The following NME7 variants were observed in gnomAD, a reference collection of about 807,000 sequenced individuals.
NME7 encodes the protein NME/NM23 family member 7, also known as nucleoside diphosphate kinase 7.
In NME7, 41 loss-of-function variants were observed where a neutral mutation model predicts 49.1. The observed-to-expected ratio is 0.83, with a 90% CI of 0.65 to 1.08. The LOEUF is 1.08. NME7 is among the 50% of genes least tolerant of loss of function. NME7 has a pLI of 0.00. For missense variants in NME7, 423 were observed against 463.4 expected (o/e 0.91, Z 0.80); for synonymous variants, 139 against 150.6 (o/e 0.92, Z 0.56).
At chr1:169,192,580 C>T (rs561930740) in intron 10 of NME7, among the ~76,000 whole-genome samples, 8 of 152,062 alleles carry the variant, frequency 5.3e-5, no homozygotes, top group South Asian at 2.1e-4. Flanking sequence ...CCTCAAATAC[C>T]GAGGAGTACT....
At chr1:169,317,252 C>T (rs1571383658) in intron 3 of NME7, among the ~76,000 whole-genome samples, 1 of 152,160 alleles carries the variant, frequency 6.6e-6, no homozygotes, top group African/African-American at 2.4e-5. Context: ...GGAAAGATGG[C>T]TCAAGCTGGA....
intron 3 of NME7, among the ~76,000 whole-genome samples, chr1:169,311,311 A>C (rs1651375936): frequency 6.6e-6 from 1 of 151,298 alleles, no homozygotes; most frequent in African/African-American, 2.4e-5. Context: ...CCCAGCTACT[A>C]AGGAGGTTGA....
chr1:169,163,227 C>T (rs576176307), intron 11 of NME7, among the ~76,000 whole-genome samples: 2 of 151,710 alleles, frequency 1.3e-5, no homozygotes, highest in East Asian at 3.9e-4. Context: ...AGAGGGGAGG[C>T]GTACACGAGG....
intron 10 of NME7, among the ~76,000 whole-genome samples, chr1:169,179,792 C>T (rs1050462306): frequency 6.6e-6 from 1 of 151,988 alleles, no homozygotes; most frequent in South Asian, 2.1e-4. Context: ...AGGAGGGGAG[C>T]AACACACACT....
intron 1 of NME7, among the ~76,000 whole-genome samples, chr1:169,339,560 T>C (rs188279808): frequency 6.6e-6 from 1 of 152,334 alleles, no homozygotes; most frequent in Admixed American, 6.5e-5. Flanking sequence ...CTTGAGTTTT[T>C]CCAAAAAAGC....
At chr1:169,314,870 C>A (rs747105423) in intron 3 of NME7, among the ~76,000 whole-genome samples, 1 of 151,870 alleles carries the variant, frequency 6.6e-6, no homozygotes. Flanking sequence ...GTATACCATG[C>A]GAATGTTAAC....
intron 1 of NME7, among the ~76,000 whole-genome samples, chr1:169,344,609 T>C (rs1461840121): frequency 1.3e-5 from 2 of 152,246 alleles, no homozygotes; most frequent in Admixed American, 6.5e-5. Flanking sequence ...AAAGTGTTTT[T>C]CTGTGTCTAA....
At chr1:169,234,507 A>T (rs1263587071) in intron 9 of NME7, among the ~76,000 whole-genome samples, 1 of 151,624 alleles carries the variant, frequency 6.6e-6, no homozygotes. Flanking sequence ...AAAAACAACA[A>T]TAATAGCAGG....
chr1:169,343,011 A>G (rs1652832659), intron 1 of NME7, among the ~76,000 whole-genome samples: 2 of 138,258 alleles, frequency 1.4e-5, no homozygotes, highest in Non-Finnish European at 3.1e-5. Context: ...ATATATATAT[A>G]TATGCATATA....
At chr1:169,174,671 T>C (rs562105012) in intron 10 of NME7, among the ~76,000 whole-genome samples, 1 of 152,346 alleles carries the variant, frequency 6.6e-6, no homozygotes, top group African/African-American at 2.4e-5. Flanking sequence ...CTATACTGAA[T>C]ATTGTAGGCA....
intron 1 of NME7, among the ~76,000 whole-genome samples, chr1:169,344,909 G>C (rs759332639): frequency 6.6e-6 from 1 of 152,162 alleles, no homozygotes; most frequent in Non-Finnish European, 1.5e-5. Flanking sequence ...GTTTGTGAAA[G>C]ATTGCTATTA....
intron 11 of NME7, among the ~76,000 whole-genome samples, chr1:169,137,101 T>A (rs748071395): frequency 6.6e-5 from 10 of 152,256 alleles, no homozygotes; most frequent in Non-Finnish European, 1.2e-4. Context: ...TTTGTTAGTG[T>A]TCCAATAATA....
At chr1:169,331,950 A>C (rs986124112) in intron 1 of NME7, among the ~76,000 whole-genome samples, 1 of 152,144 alleles carries the variant, frequency 6.6e-6, no homozygotes, top group African/African-American at 2.4e-5. Flanking sequence ...TCTTCAAAGA[A>C]TAGAAATAGA....
intron 1 of NME7, among the ~76,000 whole-genome samples, chr1:169,339,341 A>G (rs778681562): frequency 6.6e-6 from 1 of 152,228 alleles, no homozygotes; most frequent in Non-Finnish European, 1.5e-5. Flanking sequence ...TGAGTTACCC[A>G]TGAGAGATCA....
chr1:169,284,573 A>C (rs964575829), intron 7 of NME7: 1 of 152,106 alleles, frequency 6.6e-6, no homozygotes, highest in Admixed American at 6.6e-5. Context: ...GCTGTACAGA[A>C]GCTCTTTAGT....
At chr1:169,311,299 G>C (rs957021121) in intron 3 of NME7, among the ~76,000 whole-genome samples, 2 of 151,158 alleles carry the variant, frequency 1.3e-5, no homozygotes, top group African/African-American at 2.4e-5. Context: ...GCTACTACTA[G>C]TCCCAGCTAC....
chr1:169,353,125 C>A (rs1653240485), intron 1 of NME7, among the ~76,000 whole-genome samples: 1 of 152,008 alleles, frequency 6.6e-6, no homozygotes. Context: ...AAAAAAATCA[C>A]ACTATCTGAC....
At chr1:169,348,209 C>G (rs770643919) in intron 1 of NME7, among the ~76,000 whole-genome samples, 1 of 152,130 alleles carries the variant, frequency 6.6e-6, no homozygotes, top group Non-Finnish European at 1.5e-5. Context: ...GACAGTCTAT[C>G]TGAAGAAGAT....
At chr1:169,338,336 A>T (rs1652557736) in intron 1 of NME7, among the ~76,000 whole-genome samples, 1 of 152,244 alleles carries the variant, frequency 6.6e-6, no homozygotes, top group African/African-American at 2.4e-5. Flanking sequence ...GAAAAAAGTC[A>T]GTGATGCAAT....
Sources: gnomAD v4.1 joint callset for allele counts (sites outside exome capture counted in the v4.1 genomes callset) on GRCh38, gnomAD v4.1.1 for gene constraint, MANE v1.5 for transcripts, NCBI Gene and HGNC (gene_info 2026-07-23, HGNC 2026-07-21) for gene names.